RAB3B: variants seen among roughly 807,000 people sequenced by gnomAD.
RAB3B encodes ras-related protein Rab-3B.
A neutral mutation model predicts 20.5 loss-of-function variants in RAB3B; 11 were observed. The observed-to-expected ratio is 0.54, with a 90% CI of 0.34 to 0.89. The LOEUF (loss-of-function observed/expected upper bound fraction) is 0.89, where lower values mean the gene tolerates loss of function less well. RAB3B is among the 40% of genes least tolerant of loss of function. The probability of loss-of-function intolerance (pLI) is 0.02; values close to 1 mark genes in which losing one functional copy is unlikely to be tolerated. For missense variants in RAB3B, 225 were observed against 280.9 expected (o/e 0.80, Z 1.42); for synonymous variants, 99 against 106.3 (o/e 0.93, Z 0.42).
intron 1 of RAB3B, among the ~76,000 whole-genome samples, chr1:51,982,748 C>CA (rs1462120934): frequency 2.7e-5 from 4 of 149,478 alleles, no homozygotes; most frequent in African/African-American, 7.5e-5. Flanking sequence ...GACTCAATCT[C>CA]AAAAAAATAA....
intron 4 of RAB3B, among the ~76,000 whole-genome samples, chr1:51,931,027 A>T (rs1267731101): frequency 6.6e-6 from 1 of 152,088 alleles, no homozygotes; most frequent in Non-Finnish European, 1.5e-5. Flanking sequence ...CAAAAAAAAA[A>T]ATCTTAGTGA....
chr1:51,937,774 G>A (rs552856915), intron 2 of RAB3B, among the ~76,000 whole-genome samples: 18 of 152,184 alleles, frequency 1.2e-4, no homozygotes, highest in Non-Finnish European at 1.9e-4. Flanking sequence ...TGGGATTACA[G>A]GAGTGAGCCA....
At chr1:51,967,521 C>CTTTTTTTTTTTTTCTTTTT (rs771044746) in intron 2 of RAB3B, among the ~76,000 whole-genome samples, 1 of 36,496 alleles carries the variant, frequency 2.7e-5, no homozygotes, top group African/African-American at 6.8e-5. Context: ...TTTTCTTTTT[C>CTTTTTTTTTTTTTCTTTTT]TTTTTTTTTT....
chr1:51,955,754 T>C (rs1372206301), intron 2 of RAB3B, among the ~76,000 whole-genome samples: 4 of 152,050 alleles, frequency 2.6e-5, no homozygotes, highest in African/African-American at 9.7e-5. Context: ...AGTTAACATA[T>C]ACAGAGCAGG....
At chr1:51,933,507 C>A in intron 3 of RAB3B, 65 bp from the exon 4 acceptor site, 1 of 1,476,336 alleles carries the variant, frequency 6.8e-7, no homozygotes, top group Non-Finnish European at 9.3e-7. Flanking sequence ...GTGTCCCCAC[C>A]TCCAAATTTA....
chr1:51,938,592 A>C (rs1223174489), intron 2 of RAB3B, among the ~76,000 whole-genome samples: 1 of 152,234 alleles, frequency 6.6e-6, no homozygotes, highest in Non-Finnish European at 1.5e-5. Context: ...CACAGAAAAA[A>C]ATAGAAGAAA....
At chr1:51,943,252 C>A (rs1356626249) in intron 2 of RAB3B, among the ~76,000 whole-genome samples, 1 of 152,100 alleles carries the variant, frequency 6.6e-6, no homozygotes, top group Non-Finnish European at 1.5e-5. Flanking sequence ...GGCATGGTGG[C>A]AGATGCCTAT....
intron 2 of RAB3B, among the ~76,000 whole-genome samples, chr1:51,945,617 A>G (rs1684554381): frequency 6.6e-6 from 1 of 152,234 alleles, no homozygotes; most frequent in African/African-American, 2.4e-5. Flanking sequence ...TAAATACCAC[A>G]TAGGCATCAG....
At chr1:51,972,472 A>G (rs1436085203) in intron 2 of RAB3B, among the ~76,000 whole-genome samples, 1 of 148,468 alleles carries the variant, frequency 6.7e-6, no homozygotes, top group Admixed American at 6.7e-5. Flanking sequence ...AGTATACACT[A>G]TGCTTTTTTC....
intron 2 of RAB3B, among the ~76,000 whole-genome samples, chr1:51,955,047 C>A (rs1032902718): frequency 2.0e-5 from 3 of 152,200 alleles, no homozygotes; most frequent in Non-Finnish European, 4.4e-5. Flanking sequence ...AATAGTAAGG[C>A]CACTGAGGAT....
intron 2 of RAB3B, among the ~76,000 whole-genome samples, chr1:51,959,031 T>C (rs1204322146): frequency 6.6e-6 from 1 of 152,228 alleles, no homozygotes; most frequent in Non-Finnish European, 1.5e-5. Flanking sequence ...ACCCGGTCCC[T>C]GCCCTCAGGG....
intron 1 of RAB3B, among the ~76,000 whole-genome samples, chr1:51,987,175 G>GGAAAGAGC (rs1313095739): frequency 1.3e-5 from 2 of 152,216 alleles, no homozygotes. Context: ...ACTTCAGCCA[G>GGAAAGAGC]GAAAGAGCGG....
chr1:51,955,303 G>C (rs1440682929), intron 2 of RAB3B, among the ~76,000 whole-genome samples: 1 of 152,176 alleles, frequency 6.6e-6, no homozygotes, highest in Non-Finnish European at 1.5e-5. Context: ...CGATGTGAAT[G>C]CCCACAGCCC....
chr1:51,985,785 AG>A lies in RAB3B; in HGVS notation c.-1+4766del, dbSNP rs148786631. On this transcript the variant is annotated intron_variant, in intron 1 of 4. Coordinates refer to ENST00000371655, the MANE Select transcript of RAB3B (RefSeq NM_002867.4). ...CTGTGACTGCCACAGATAGGAGACT[AG>A]GAAGTGATGGCAAGAGTAAAAAATT... is the stretch of plus-strand genomic sequence containing the variant. Among the ~76,000 whole-genome samples the A allele has an allele frequency of 8.5e-3, 1,286 of 152,136 alleles. 20 individuals are homozygous for A. The highest frequency in any genetic ancestry group is 0.029 in the African/African-American group (1,193 of 41,496).
At position 51,919,762 on chromosome 1, in the gene RAB3B, T is replaced by C; in HGVS notation, c.*165A>G. On this transcript the variant is annotated 3_prime_UTR_variant, in exon 5 of 5. Coordinates refer to ENST00000371655, the MANE Select transcript of RAB3B (RefSeq NM_002867.4). ...CTGAGTATCTATTACTGGGACCATC[T>C]GCAGAGAACCCCAGGGGCAGGCAAA... The C allele has an allele frequency of 1.6e-6, 1 of 634,830 alleles. No individual in the cohort carries two copies. The highest frequency in any genetic ancestry group is 2.7e-6 in the Non-Finnish European group (1 of 375,856). The allele number at this position is 634,830 out of a possible 1,614,324, so 39.3% of individuals were successfully genotyped here.
intron 2 of RAB3B, among the ~76,000 whole-genome samples, chr1:51,959,364 T>C (rs1431004783): frequency 6.6e-6 from 1 of 151,870 alleles, no homozygotes; most frequent in Non-Finnish European, 1.5e-5. Flanking sequence ...ATAAAAAAAT[T>C]AGCCGGGTGT....
chr1:51,967,521 C>CTTTTTTTTTTTTTATTT, intron 2 of RAB3B, among the ~76,000 whole-genome samples: 1 of 36,514 alleles, frequency 2.7e-5, no homozygotes, highest in African/African-American at 6.8e-5. Context: ...TTTTCTTTTT[C>CTTTTTTTTTTTTTATTT]TTTTTTTTTT....
rs1683990921 is a variant in RAB3B, at chr1:51,911,073, ACT to A, written c.*8852_*8853del. 1 of 152,230 alleles carries A rather than the reference ACT, an allele frequency of 6.6e-6. No homozygotes were observed. Among genetic ancestry groups the A allele is most frequent in the Non-Finnish European group, 1.5e-5 (1 of 68,060 alleles). 9.4% of individuals were successfully genotyped at this position (152,230 alleles called of 1,614,324 possible). On this transcript the variant is annotated 3_prime_UTR_variant, in exon 5 of 5. Transcript: ENST00000371655. ...GTTGACTCTCAAGATGGCGGATGTCACTGAGATGGCTGAGAAATAGGAACGGA... is the reference window on the plus strand; with the variant it reads ...GTTGACTCTCAAGATGGCGGATGTCAGAGATGGCTGAGAAATAGGAACGGA...
intron 4 of RAB3B, among the ~76,000 whole-genome samples, chr1:51,925,115 A>T (rs563855843): frequency 6.6e-6 from 1 of 152,336 alleles, no homozygotes; most frequent in African/African-American, 2.4e-5. Flanking sequence ...AATTCTATTC[A>T]GAAACTTGCA....
Sources: allele counts gnomAD v4.1 joint callset (sites outside exome capture counted in the v4.1 genomes callset), GRCh38; gene constraint gnomAD v4.1.1; transcripts MANE v1.5; gene names NCBI Gene and HGNC (gene_info 2026-07-23, HGNC 2026-07-21).